The following XKR6 variants were observed in gnomAD, a reference collection of about 807,000 sequenced individuals.
The protein encoded by XKR6 is XK related 6.
XKR6 carries 22 observed loss-of-function variants against 56.7 expected under a neutral mutation model. The observed-to-expected ratio is 0.39, with a 90% CI of 0.28 to 0.55. The LOEUF is 0.55. Among genes scored for constraint, XKR6 ranks in the 20% least tolerant of loss-of-function variants. The probability of loss-of-function intolerance (pLI) is 0.66; values close to 1 mark genes in which losing one functional copy is unlikely to be tolerated. For missense variants in XKR6, 852 were observed against 889.0 expected (o/e 0.96, Z 0.53); for synonymous variants, 524 against 387.8 (o/e 1.35, Z -4.13).
At chr8:11,154,457 T>C (rs1801413239) in intron 1 of XKR6, among the ~76,000 whole-genome samples, 2 of 152,362 alleles carry the variant, frequency 1.3e-5, no homozygotes, top group Admixed American at 6.5e-5. Flanking sequence ...GCCCCATGGC[T>C]TCCTTTGGCT....
intron 1 of XKR6, among the ~76,000 whole-genome samples, chr8:10,926,521 C>T (rs765501966): frequency 8.5e-5 from 13 of 152,212 alleles, no homozygotes; most frequent in Non-Finnish European, 1.6e-4. Flanking sequence ...AGCAGAGATG[C>T]AATCTTACTG....
intron 1 of XKR6, among the ~76,000 whole-genome samples, chr8:11,091,457 AG>A (rs1798068977): frequency 2.0e-5 from 3 of 151,762 alleles, no homozygotes; most frequent in South Asian, 4.2e-4. Context: ...ATAAATAAAT[AG>A]ATAGATAGAT....
intron 1 of XKR6, among the ~76,000 whole-genome samples, chr8:11,156,925 G>A (rs574583332): frequency 6.6e-6 from 1 of 152,128 alleles, no homozygotes; most frequent in Non-Finnish European, 1.5e-5. Context: ...AAAAGGCAAA[G>A]AGAGTAACTT....
At chr8:11,114,062 C>A (rs558785121) in intron 1 of XKR6, 9 of 440,692 alleles carry the variant, frequency 2.0e-5, no homozygotes, top group South Asian at 1.3e-4. Context: ...AACCTCATTT[C>A]AGGCTGAGGC....
chr8:10,981,595 G>C (rs1322433583), intron 1 of XKR6, among the ~76,000 whole-genome samples: 2 of 152,116 alleles, frequency 1.3e-5, no homozygotes, highest in African/African-American at 2.4e-5. Context: ...TATAGACCCA[G>C]GGATCTAGAA....
intron 1 of XKR6, among the ~76,000 whole-genome samples, chr8:11,063,341 A>G (rs1250352777): frequency 2.0e-5 from 3 of 152,020 alleles, no homozygotes; most frequent in African/African-American, 7.2e-5. Flanking sequence ...AAATCCCACA[A>G]AACAAAATTA....
At chr8:10,993,843 C>A (rs1157200566) in intron 1 of XKR6, among the ~76,000 whole-genome samples, 1 of 152,224 alleles carries the variant, frequency 6.6e-6, no homozygotes, top group African/African-American at 2.4e-5. Flanking sequence ...TTCCCTACCT[C>A]ACTCAGCCTT....
intron 1 of XKR6, among the ~76,000 whole-genome samples, chr8:11,178,576 A>ATATATG (rs1802796062): frequency 4.4e-5 from 6 of 135,958 alleles, no homozygotes; most frequent in Non-Finnish European, 3.2e-5. Context: ...ATATATATGT[A>ATATATG]TATATATATG....
chr8:10,910,426 A>G (rs1586292802), intron 2 of XKR6, among the ~76,000 whole-genome samples: 5 of 152,324 alleles, frequency 3.3e-5, no homozygotes, highest in East Asian at 1.9e-4. Context: ...TGAGGACTGC[A>G]TCTCTCCAGC....
chr8:10,915,222 G>A (rs1362403583), intron 2 of XKR6, among the ~76,000 whole-genome samples: 1 of 152,206 alleles, frequency 6.6e-6, no homozygotes, highest in Non-Finnish European at 1.5e-5. Flanking sequence ...TTTCATTGCT[G>A]TATCTGTCCC....
At chr8:11,140,349 A>C (rs1473922417) in intron 1 of XKR6, among the ~76,000 whole-genome samples, 2 of 152,242 alleles carry the variant, frequency 1.3e-5, no homozygotes, top group Non-Finnish European at 2.9e-5. Flanking sequence ...ATCTAAGCCT[A>C]TCAACCACAA....
chr8:11,163,527 A>C (rs1305204317), intron 1 of XKR6, among the ~76,000 whole-genome samples: 1 of 152,226 alleles, frequency 6.6e-6, no homozygotes, highest in African/African-American at 2.4e-5. Context: ...CGCTGGAGAT[A>C]GGTAACTACG....
intron 1 of XKR6, chr8:11,124,288 G>A (rs889121954): frequency 8.8e-6 from 3 of 340,608 alleles, no homozygotes; most frequent in African/African-American, 6.5e-5. Context: ...ACCAGGATGT[G>A]GCTAAGTTTC....
At chr8:11,024,387 A>G (rs2129149539) in intron 1 of XKR6, among the ~76,000 whole-genome samples, 1 of 152,208 alleles carries the variant, frequency 6.6e-6, no homozygotes, top group South Asian at 2.1e-4. Context: ...CTGTCTCCTT[A>G]TTAGTGAAAT....
chr8:10,906,343 A>C (rs1800190002), intron 2 of XKR6, among the ~76,000 whole-genome samples: 1 of 152,174 alleles, frequency 6.6e-6, no homozygotes, highest in African/African-American at 2.4e-5. Flanking sequence ...TGTCTATGCA[A>C]ATTAGAAGGG....
At chr8:10,923,736 G>C (rs934875699) in intron 2 of XKR6, among the ~76,000 whole-genome samples, 1 of 152,234 alleles carries the variant, frequency 6.6e-6, no homozygotes, top group African/African-American at 2.4e-5. Flanking sequence ...GGCACCAAGA[G>C]GACCTGCGGG....
chr8:11,082,127 G>A (rs1200414414), intron 1 of XKR6, among the ~76,000 whole-genome samples: 1 of 152,210 alleles, frequency 6.6e-6, no homozygotes, highest in Non-Finnish European at 1.5e-5. Context: ...CGTCGGGTGA[G>A]GAGCTGTGAC....
intron 2 of XKR6, among the ~76,000 whole-genome samples, chr8:10,905,567 G>T (rs1800164644): frequency 6.6e-6 from 1 of 152,138 alleles, no homozygotes; most frequent in Admixed American, 6.5e-5. Context: ...AGTAGGCTGG[G>T]CCTCTAGAGA....
At chr8:11,196,978 T>C (rs1321553487) in intron 1 of XKR6, among the ~76,000 whole-genome samples, 2 of 152,056 alleles carry the variant, frequency 1.3e-5, no homozygotes, top group Non-Finnish European at 2.9e-5. Flanking sequence ...GCAGATTTTG[T>C]AGAGAGCTGC....
Sources: allele counts gnomAD v4.1 joint callset (sites outside exome capture counted in the v4.1 genomes callset), GRCh38; gene constraint gnomAD v4.1.1; transcripts MANE v1.5; gene names NCBI Gene and HGNC (gene_info 2026-07-23, HGNC 2026-07-21).